Variants in DLC1 observed in about 807,000 individuals in gnomAD.
DLC1 encodes the protein DLC1 Rho GTPase activating protein, also known as rho GTPase-activating protein 7.
In DLC1, 54 loss-of-function variants were observed where a neutral mutation model predicts 140.3. That is an observed-to-expected ratio of 0.38 (90% CI 0.31 to 0.48). The LOEUF (loss-of-function observed/expected upper bound fraction) is 0.48, where lower values mean the gene tolerates loss of function less well. Ranked by LOEUF, DLC1 falls within the 20% of genes least tolerant of loss-of-function variation. The pLI is 0.96. For synonymous variants in DLC1, 986 were observed against 728.1 expected (o/e 1.35, Z -5.70); for missense variants, 2,536 against 1,907.0 (o/e 1.33, Z -6.14).
chr8:13,205,258 C>T (rs1004223959), intron 5 of DLC1, among the ~76,000 whole-genome samples: 7 of 152,114 alleles, frequency 4.6e-5, no homozygotes, highest in East Asian at 1.9e-4. Flanking sequence ...CTGGTACCCC[C>T]GGCAATTGTG....
chr8:13,114,194 T>A (rs1820349390), intron 6 of DLC1, among the ~76,000 whole-genome samples: 1 of 152,048 alleles, frequency 6.6e-6, no homozygotes, highest in Non-Finnish European at 1.5e-5. Context: ...AAACCCCGGC[T>A]CTACTAAAAA....
chr8:13,175,215 C>T (rs1014127421), intron 5 of DLC1, among the ~76,000 whole-genome samples: 1 of 150,736 alleles, frequency 6.6e-6, no homozygotes, highest in South Asian at 2.1e-4. Context: ...TTCCATTGGT[C>T]TGTGTTTATT....
At chr8:13,297,240 C>G (rs71522336) in intron 5 of DLC1, among the ~76,000 whole-genome samples, 1 of 101,122 alleles carries the variant, frequency 9.9e-6, no homozygotes, top group African/African-American at 4.0e-5. Flanking sequence ...ACCCTAAATT[C>G]TTTCCTCATA....
intron 5 of DLC1, among the ~76,000 whole-genome samples, chr8:13,131,720 T>G (rs975507428): frequency 6.6e-6 from 1 of 152,084 alleles, no homozygotes; most frequent in African/African-American, 2.4e-5. Context: ...CCTCACAACC[T>G]CCCCGCGCGG....
chr8:13,375,771 A>G (rs1314820277), intron 4 of DLC1, among the ~76,000 whole-genome samples: 1 of 151,506 alleles, frequency 6.6e-6, no homozygotes, highest in Admixed American at 6.6e-5. Flanking sequence ...AATCATTTAT[A>G]TTTGTCAAAG....
intron 2 of DLC1, among the ~76,000 whole-genome samples, chr8:13,425,186 G>A (rs2117364897): frequency 6.6e-6 from 1 of 151,952 alleles, no homozygotes; most frequent in South Asian, 2.1e-4. Context: ...CACGAGTCAA[G>A]CGGCTGTTTC....
intron 1 of DLC1, among the ~76,000 whole-genome samples, chr8:13,587,603 A>C (rs1196060081): frequency 1.7e-3 from 6 of 3,442 alleles, no homozygotes; most frequent in South Asian, 0.013. Flanking sequence ...TATACATTGC[A>C]TATATATATA....
intron 2 of DLC1, among the ~76,000 whole-genome samples, chr8:13,404,120 A>T (rs946904098): frequency 2.0e-5 from 3 of 152,166 alleles, no homozygotes; most frequent in Admixed American, 2.0e-4. Flanking sequence ...AGGTTATTTT[A>T]TTACAAGACC....
chr8:13,511,531 A>C (rs898668562), intron 1 of DLC1, among the ~76,000 whole-genome samples: 1 of 152,184 alleles, frequency 6.6e-6, no homozygotes, highest in African/African-American at 2.4e-5. Context: ...AGAACCATAG[A>C]AGTAAACACT....
At chr8:13,131,935 T>C (rs996850577) in intron 5 of DLC1, among the ~76,000 whole-genome samples, 1 of 152,180 alleles carries the variant, frequency 6.6e-6, no homozygotes, top group African/African-American at 2.4e-5. Flanking sequence ...AGCAGGGTGC[T>C]GCAGAGAGGA....
At chr8:13,135,031 T>C (rs901286265) in intron 5 of DLC1, among the ~76,000 whole-genome samples, 2 of 152,040 alleles carry the variant, frequency 1.3e-5, no homozygotes, top group African/African-American at 2.4e-5. Flanking sequence ...TGGCCCAAGA[T>C]GATGCAGTTG....
At chr8:13,519,852 G>A (rs10089186), upstream of DLC1, among the ~76,000 whole-genome samples, 1 of 152,108 alleles carries the variant, frequency 6.6e-6, no homozygotes, top group Non-Finnish European at 1.5e-5. Flanking sequence ...CGTTTATGTA[G>A]CAACAGACAT....
At chr8:13,294,529 T>A (rs1456329850) in intron 5 of DLC1, among the ~76,000 whole-genome samples, 1 of 152,020 alleles carries the variant, frequency 6.6e-6, no homozygotes, top group Non-Finnish European at 1.5e-5. Context: ...CATTGGGGGT[T>A]AGGGTAGATA....
intron 4 of DLC1, among the ~76,000 whole-genome samples, chr8:13,367,225 G>A (rs1054697348): frequency 3.9e-5 from 6 of 152,148 alleles, no homozygotes; most frequent in Non-Finnish European, 7.3e-5. Flanking sequence ...GGCTAGATCT[G>A]ATCAGTTTTA....
intron 4 of DLC1, among the ~76,000 whole-genome samples, chr8:13,370,266 C>G (rs771409297): frequency 6.6e-6 from 1 of 151,942 alleles, no homozygotes; most frequent in Admixed American, 6.6e-5. Context: ...TAAGCTCTAA[C>G]AAAACAGGGA....
At chr8:13,125,746 T>C (rs1821503084) in intron 5 of DLC1, among the ~76,000 whole-genome samples, 1 of 151,900 alleles carries the variant, frequency 6.6e-6, no homozygotes, top group South Asian at 2.1e-4. Flanking sequence ...CATTTTTTTT[T>C]CTCTTATTCT....
chr8:13,179,547 C>A (rs1341638719), intron 5 of DLC1, among the ~76,000 whole-genome samples: 1 of 151,840 alleles, frequency 6.6e-6, no homozygotes, highest in Non-Finnish European at 1.5e-5. Context: ...GTGGAGAAAC[C>A]CTGCCTCAAC....
At chr8:13,472,142 G>A (rs191434592) in intron 2 of DLC1, among the ~76,000 whole-genome samples, 5 of 152,252 alleles carry the variant, frequency 3.3e-5, no homozygotes, top group East Asian at 1.9e-4. Context: ...AATAACAAGC[G>A]CCAACTTATT....
chr8:13,445,532 C>T (rs764495232), intron 2 of DLC1, among the ~76,000 whole-genome samples: 1 of 152,158 alleles, frequency 6.6e-6, no homozygotes, highest in African/African-American at 2.4e-5. Flanking sequence ...TAAGGAACCA[C>T]CAATGATTAA....
Sources: gnomAD v4.1 joint callset for allele counts (sites outside exome capture counted in the v4.1 genomes callset) on GRCh38, gnomAD v4.1.1 for gene constraint, MANE v1.5 for transcripts, NCBI Gene and HGNC (gene_info 2026-07-23, HGNC 2026-07-21) for gene names.